DNM3: variants seen among roughly 807,000 people sequenced by gnomAD.
DNM3 encodes dynamin 3.
In DNM3, 47 loss-of-function variants were observed where a neutral mutation model predicts 101.6. The observed-to-expected ratio is 0.46, with a 90% confidence interval of 0.37 to 0.59. DNM3 has a LOEUF of 0.59. Ranked by LOEUF, DNM3 falls within the 20% of genes least tolerant of loss-of-function variation. The pLI is 0.00. For missense variants in DNM3, 849 were observed against 1,085.7 expected (o/e 0.78, Z 3.06); for synonymous variants, 385 against 387.9 (o/e 0.99, Z 0.09).
At chr1:172,354,806 G>A (rs2067368128) in intron 17 of DNM3, among the ~76,000 whole-genome samples, 1 of 152,048 alleles carries the variant, frequency 6.6e-6, no homozygotes, top group South Asian at 2.1e-4. Flanking sequence ...AGCTTTGGAT[G>A]TACTTAGACA....
chr1:172,339,303 A>G (rs1291784158), intron 17 of DNM3, among the ~76,000 whole-genome samples: 1 of 152,162 alleles, frequency 6.6e-6, no homozygotes, highest in East Asian at 1.9e-4. Flanking sequence ...CCCAACTTCA[A>G]ACTGTGTTAC....
At chr1:172,062,745 C>G (rs1048802356) in intron 10 of DNM3, among the ~76,000 whole-genome samples, 3 of 152,212 alleles carry the variant, frequency 2.0e-5, no homozygotes, top group Non-Finnish European at 4.4e-5. Context: ...CCATTAACCC[C>G]TGTACAACTT....
chr1:172,114,184 C>A (rs1275316009), intron 13 of DNM3, among the ~76,000 whole-genome samples: 2 of 152,146 alleles, frequency 1.3e-5, no homozygotes, highest in African/African-American at 2.4e-5. Flanking sequence ...AATAGGAGAA[C>A]CTCTCTGAAG....
intron 14 of DNM3, among the ~76,000 whole-genome samples, chr1:172,177,890 T>C (rs2059209702): frequency 6.6e-6 from 1 of 151,830 alleles, no homozygotes. Flanking sequence ...AGGGTTTTTT[T>C]CCCTTAATGT....
chr1:171,891,937 G>T (rs1017746528), intron 1 of DNM3, among the ~76,000 whole-genome samples: 1 of 152,164 alleles, frequency 6.6e-6, no homozygotes, highest in Non-Finnish European at 1.5e-5. Context: ...TCTCCAGAGA[G>T]TGTATTGTAT....
intron 17 of DNM3, among the ~76,000 whole-genome samples, chr1:172,336,885 T>C (rs2066456073): frequency 6.6e-6 from 1 of 152,174 alleles, no homozygotes; most frequent in East Asian, 1.9e-4. Context: ...TCTCTCCTCA[T>C]TCATTAAATG....
chr1:172,415,524 G>GTTTTTT (rs386368747), downstream of DNM3: 3,783 of 98,744 alleles, frequency 0.038, 362 homozygotes, highest in Non-Finnish European at 0.055. Flanking sequence ...TTTTTTGTGA[G>GTTTTTT]TTTTTTTTTT....
At chr1:172,000,393 G>A (rs573785565) in intron 4 of DNM3, among the ~76,000 whole-genome samples, 24 of 152,164 alleles carry the variant, frequency 1.6e-4, no homozygotes, top group African/African-American at 5.1e-4. Context: ...ACCTAAAGAC[G>A]TCAAAGACAG....
chr1:172,375,317 CAT>C (rs893646282), intron 17 of DNM3, among the ~76,000 whole-genome samples: 14 of 152,024 alleles, frequency 9.2e-5, no homozygotes, highest in African/African-American at 2.9e-4. Flanking sequence ...TTTGGAAACA[CAT>C]GTTTTGTCTC....
At chr1:171,877,366 C>T (rs1451871660) in intron 1 of DNM3, among the ~76,000 whole-genome samples, 1 of 152,176 alleles carries the variant, frequency 6.6e-6, no homozygotes, top group Non-Finnish European at 1.5e-5. Context: ...TTCTCCTTAA[C>T]CTCTCATTTA....
intron 17 of DNM3, among the ~76,000 whole-genome samples, chr1:172,343,188 C>T (rs968262985): frequency 6.6e-6 from 1 of 152,120 alleles, no homozygotes; most frequent in African/African-American, 2.4e-5. Flanking sequence ...GCATTCTGGG[C>T]AGGGGGTTGG....
chr1:171,899,858 A>G (rs1446534585), intron 1 of DNM3, among the ~76,000 whole-genome samples: 3 of 152,256 alleles, frequency 2.0e-5, no homozygotes, highest in African/African-American at 4.8e-5. Context: ...ATCATAGTCC[A>G]GACTAGGCAG....
At chr1:172,140,516 T>C (rs1403954913) in intron 14 of DNM3, 2 of 152,012 alleles carry the variant, frequency 1.3e-5, no homozygotes, top group African/African-American at 4.8e-5. Flanking sequence ...ATTACTATAA[T>C]TCTTTATAAC....
At chr1:172,380,167 G>A (rs985429594) in intron 18 of DNM3, among the ~76,000 whole-genome samples, 1 of 152,004 alleles carries the variant, frequency 6.6e-6, no homozygotes, top group African/African-American at 2.4e-5. Context: ...TCTCTTTCAT[G>A]TGTCTGTTTC....
At chr1:171,958,550 G>A (rs1047806472) in intron 2 of DNM3, among the ~76,000 whole-genome samples, 1 of 152,136 alleles carries the variant, frequency 6.6e-6, no homozygotes, top group African/African-American at 2.4e-5. Context: ...GGATACACAA[G>A]GAGCTCGTGG....
intron 8 of DNM3, among the ~76,000 whole-genome samples, chr1:172,043,459 A>G (rs1171785983): frequency 6.6e-6 from 1 of 152,152 alleles, no homozygotes; most frequent in African/African-American, 2.4e-5. Flanking sequence ...GGGTAAATAG[A>G]TAATTTCATT....
At chr1:172,375,493 C>T (rs767612528) in intron 17 of DNM3, among the ~76,000 whole-genome samples, 46 of 151,968 alleles carry the variant, frequency 3.0e-4, no homozygotes, top group South Asian at 2.1e-3. Context: ...TTCACAGGTA[C>T]GTTACCATGG....
intron 15 of DNM3, among the ~76,000 whole-genome samples, chr1:172,274,219 G>T (rs1281475738): frequency 6.6e-6 from 1 of 151,992 alleles, no homozygotes; most frequent in Non-Finnish European, 1.5e-5. Flanking sequence ...GGAATTTCCA[G>T]AGCATTTGTT....
chr1:172,036,011 T>C (rs190483011), intron 6 of DNM3, among the ~76,000 whole-genome samples: 1 of 151,724 alleles, frequency 6.6e-6, no homozygotes, highest in Non-Finnish European at 1.5e-5. Context: ...TATTTTATTT[T>C]AGTATTATTA....
Sources: allele counts gnomAD v4.1 joint callset (sites outside exome capture counted in the v4.1 genomes callset), GRCh38; gene constraint gnomAD v4.1.1; transcripts MANE v1.5; gene names NCBI Gene and HGNC (gene_info 2026-07-23, HGNC 2026-07-21).